Variants in PSMA1 observed in about 807,000 individuals in gnomAD.
PSMA1 encodes proteasome subunit alpha type-1.
A neutral mutation model predicts 38.4 loss-of-function variants in PSMA1; 3 were observed. The observed-to-expected ratio is 0.08, with a 90% CI of 0.04 to 0.20. The LOEUF (loss-of-function observed/expected upper bound fraction) is 0.20, where lower values mean the gene tolerates loss of function less well. PSMA1 is among the 10% of genes least tolerant of loss of function. The pLI is 1.00. For synonymous variants in PSMA1, 101 were observed against 107.1 expected, an observed-to-expected ratio of 0.94 and a Z score of 0.35; for missense variants, 227 against 325.3, an observed-to-expected ratio of 0.70 and a Z score of 2.32.
chr11:14,528,243 C>T (rs1338721034), intron 2 of PSMA1, among the ~76,000 whole-genome samples: 3 of 152,082 alleles, frequency 2.0e-5, no homozygotes, highest in South Asian at 2.1e-4. Context: ...CAAACAATAA[C>T]GTTGAACCCC....
chr11:14,548,238 T>C (rs758058881), intron 2 of PSMA1, among the ~76,000 whole-genome samples: 7 of 152,208 alleles, frequency 4.6e-5, no homozygotes, highest in African/African-American at 1.4e-4. Context: ...GGTACTATTA[T>C]TATGTTCTAT....
rs1308854779 is a variant in PSMA1 at position 14,546,460 on chromosome 11, CAG to C, written c.22-27421_22-27420del. ...AAATGTGGCTTTTTTTCCCCCCAGA[CAG>C]AGTCTCGCTCTGTTGCCCAGGCTGG... On this transcript the variant is annotated intron_variant, in intron 2 of 10. Coordinates refer to the PSMA1 transcript ENST00000418988. Among the ~76,000 whole-genome samples, 10 of 152,178 alleles carry C rather than the reference CAG, an allele frequency of 6.6e-5. No homozygotes were observed. The East Asian group carries it at 1.7e-3, about 26-fold the overall frequency.
chr11:14,539,896 G>A (rs978848404), intron 2 of PSMA1, among the ~76,000 whole-genome samples: 1 of 151,902 alleles, frequency 6.6e-6, no homozygotes, highest in African/African-American at 2.4e-5. Context: ...CCCACAGGAG[G>A]AAGATAAAGG....
At chr11:14,536,674 C>T (rs554510319) in intron 2 of PSMA1, among the ~76,000 whole-genome samples, 70 of 152,186 alleles carry the variant, frequency 4.6e-4, no homozygotes, top group Non-Finnish European at 9.0e-4. Flanking sequence ...TGCAGTGGCA[C>T]GATCTCGGCT....
upstream of PSMA1, among the ~76,000 whole-genome samples, chr11:14,524,691 A>ACATTTGGT (rs1851568141): frequency 6.6e-6 from 1 of 152,218 alleles, no homozygotes. Flanking sequence ...GACACGTAAG[A>ACATTTGGT]CATTTGGTGC....
At chr11:14,589,365 A>G (rs200681907) in intron 2 of PSMA1, among the ~76,000 whole-genome samples, 4,413 of 147,580 alleles carry the variant, frequency 0.03, 90 homozygotes, top group Non-Finnish European at 0.036. Context: ...ATATATATAT[A>G]TGTGTGTGTG....
intron 2 of PSMA1, among the ~76,000 whole-genome samples, chr11:14,579,332 G>A (rs554305853): frequency 2.0e-5 from 3 of 152,222 alleles, no homozygotes; most frequent in East Asian, 3.9e-4. Context: ...TTCTAGCTAC[G>A]TAACGGCGAT....
In PSMA1 at chr11:14,616,274, C is replaced by G. The variant is rs973994123; in HGVS notation, c.-165-5123G>C. ...TTTGAGACAGAGTCTTGCTCTGTCACCCAGGCTGGAGTGCATGGTGCCATC... is the reference window on the plus strand; with the variant it reads ...TTTGAGACAGAGTCTTGCTCTGTCAGCCAGGCTGGAGTGCATGGTGCCATC... On this transcript the variant is annotated intron_variant, in intron 1 of 10. Transcript: ENST00000418988. Among the ~76,000 whole-genome samples the G allele has an allele frequency of 6.7e-4, 96 of 144,210 alleles. 1 individual carries two copies. Among genetic ancestry groups the G allele is most frequent in the Admixed American group, 4.4e-3 (61 of 13,884 alleles). 94.6% of individuals were successfully genotyped at this position (144,210 alleles called of 152,430 possible).
At chr11:14,553,481 C>T (rs995552392) in intron 2 of PSMA1, among the ~76,000 whole-genome samples, 1 of 152,124 alleles carries the variant, frequency 6.6e-6, no homozygotes, top group Non-Finnish European at 1.5e-5. Context: ...ACCTGTACTG[C>T]CCCCAACCCA....
intron 1 of PSMA1, among the ~76,000 whole-genome samples, chr11:14,634,696 G>A (rs1853089506): frequency 6.6e-6 from 1 of 152,150 alleles, no homozygotes; most frequent in Non-Finnish European, 1.5e-5. Flanking sequence ...TCATGTTTTA[G>A]GGGCTGGTAG....
At chr11:14,530,860 C>G (rs986726217) in intron 2 of PSMA1, among the ~76,000 whole-genome samples, 13 of 143,738 alleles carry the variant, frequency 9.0e-5, no homozygotes, top group African/African-American at 3.4e-4. Flanking sequence ...CGAGATCACT[C>G]CACTGCACTC....
chr11:14,522,168 A>C (rs1418973200), upstream of PSMA1, among the ~76,000 whole-genome samples: 1 of 152,238 alleles, frequency 6.6e-6, no homozygotes, highest in African/African-American at 2.4e-5. Context: ...TTATTAATAC[A>C]CTTAAAAAGT....
chr11:14,558,665 A>G (rs747321454), intron 2 of PSMA1, among the ~76,000 whole-genome samples: 54 of 152,246 alleles, frequency 3.5e-4, no homozygotes, highest in Non-Finnish European at 5.7e-4. Flanking sequence ...TAAGGTCAAC[A>G]ACAATGTGAG....
At chr11:14,505,328 A>C in intron 9 of PSMA1, 80 bp from the exon 10 acceptor site, 1 of 1,231,298 alleles carries the variant, frequency 8.1e-7, no homozygotes, top group Non-Finnish European at 1.2e-6. Context: ...ATATTACGTT[A>C]TTAAAAATTG....
intron 2 of PSMA1, among the ~76,000 whole-genome samples, chr11:14,538,507 G>C (rs1252488595): frequency 6.6e-6 from 1 of 152,196 alleles, no homozygotes; most frequent in Admixed American, 6.5e-5. Context: ...CCCATGCTAC[G>C]CCAGCTTCCA....
chr11:14,584,617 C>T (rs937000828), intron 2 of PSMA1, among the ~76,000 whole-genome samples: 3 of 151,772 alleles, frequency 2.0e-5, no homozygotes, highest in Non-Finnish European at 4.4e-5. Context: ...CTTGAGGTAC[C>T]CTGGCCTCAT....
chr11:14,537,525 T>C (rs1851722640), intron 2 of PSMA1, among the ~76,000 whole-genome samples: 1 of 149,278 alleles, frequency 6.7e-6, no homozygotes, highest in Admixed American at 6.7e-5. Flanking sequence ...GAGTAGGAAG[T>C]TGCTATAACT....
chr11:14,509,713 G>GTTTT (rs34597306), intron 8 of PSMA1, among the ~76,000 whole-genome samples: 12 of 109,948 alleles, frequency 1.1e-4, no homozygotes, highest in South Asian at 3.0e-4. Context: ...CAAACCGGTT[G>GTTTT]TTTTTTTTTT....
intron 1 of PSMA1, among the ~76,000 whole-genome samples, chr11:14,635,631 A>G (rs1453763864): frequency 6.6e-6 from 1 of 152,222 alleles, no homozygotes; most frequent in East Asian, 1.9e-4. Flanking sequence ...TGGTAAAAAT[A>G]TAGTGATTTT....
Sources: allele counts gnomAD v4.1 joint callset (sites outside exome capture counted in the v4.1 genomes callset), GRCh38; gene constraint gnomAD v4.1.1; transcripts MANE v1.5; gene names NCBI Gene and HGNC (gene_info 2026-07-23, HGNC 2026-07-21).